Variants in MALRD1 observed in about 807,000 individuals in gnomAD.
MALRD1 encodes the protein MAM and LDL-receptor class A domain-containing protein 1.
Under a neutral mutation model 242.1 loss-of-function variants are expected in MALRD1, and 247 were observed. The ratio of observed to expected loss-of-function variants is 1.02; its 90% CI spans 0.92 to 1.13. The LOEUF (loss-of-function observed/expected upper bound fraction) is 1.13. Ranked by LOEUF, MALRD1 falls within the 50% of genes most tolerant of loss-of-function variation. The pLI is 0.00. For missense variants in MALRD1, 2,989 were observed against 2,533.1 expected (o/e 1.18, Z -3.86); for synonymous variants, 995 against 866.6 (o/e 1.15, Z -2.60).
At chr10:19,204,779 G>A in intron 16 of MALRD1, 119 bp from the exon 17 acceptor site, 1 of 1,102,188 alleles carries the variant, frequency 9.1e-7, no homozygotes, top group Admixed American at 2.9e-5. Flanking sequence ...TTGCGGGAAA[G>A]AAAAGCGTCT....
At chr10:19,510,274 G>T (rs974861826) in intron 31 of MALRD1, among the ~76,000 whole-genome samples, 8 of 152,176 alleles carry the variant, frequency 5.3e-5, no homozygotes, top group African/African-American at 9.7e-5. Context: ...GCAGGAGACA[G>T]ATGCCTTCCT....
At chr10:19,722,619 A>AAAAAAAAAAAAAAAAAAAAAAGG (rs57292963) in intron 38 of MALRD1, 1 of 144,554 alleles carries the variant, frequency 6.9e-6, no homozygotes, top group Non-Finnish European at 1.5e-5. Flanking sequence ...AAAAAAAAAA[A>AAAAAAAAAAAAAAAAAAAAAAGG]GGTGGAAAAA....
At chr10:19,505,449 G>A (rs1260140116) in intron 31 of MALRD1, among the ~76,000 whole-genome samples, 1 of 152,156 alleles carries the variant, frequency 6.6e-6, no homozygotes, top group African/African-American at 2.4e-5. Context: ...GAAAGGCCAC[G>A]TAAGGACACA....
chr10:19,668,028 G>A (rs2131750211), intron 36 of MALRD1, among the ~76,000 whole-genome samples: 1 of 152,062 alleles, frequency 6.6e-6, no homozygotes, highest in African/African-American at 2.4e-5. Flanking sequence ...CTTTTACAAG[G>A]GCATTAATCC....
chr10:19,324,212 A>T (rs1196456741), intron 22 of MALRD1, 107 bp downstream of exon 22: 1 of 1,098,908 alleles, frequency 9.1e-7, no homozygotes, highest in Non-Finnish European at 1.3e-6. Context: ...ATGGACAATT[A>T]CCAACACTTC....
chr10:19,157,763 A>G (rs543176907), intron 12 of MALRD1, among the ~76,000 whole-genome samples: 1 of 152,112 alleles, frequency 6.6e-6, no homozygotes, highest in East Asian at 1.9e-4. Flanking sequence ...TTCTGAAATT[A>G]TATGGTTTTT....
intron 17 of MALRD1, 101 bp from the exon 18 acceptor site, chr10:19,209,167 C>G: frequency 9.0e-7 from 1 of 1,111,222 alleles, no homozygotes; most frequent in Non-Finnish European, 1.2e-6. Context: ...TTGGCATGAG[C>G]AAAGTATCAA....
intron 36 of MALRD1, among the ~76,000 whole-genome samples, chr10:19,626,420 A>T (rs899996271): frequency 1.3e-5 from 2 of 151,962 alleles, no homozygotes; most frequent in African/African-American, 4.8e-5. Context: ...GAAAAAGAAG[A>T]AACAAATATT....
intron 1 of MALRD1, among the ~76,000 whole-genome samples, chr10:19,056,955 T>G (rs2131214262): frequency 6.6e-6 from 1 of 152,340 alleles, no homozygotes. Flanking sequence ...CTTCATTCTG[T>G]TAATGTGGTG....
At chr10:19,175,536 GA>G (rs1835195961) in intron 14 of MALRD1, among the ~76,000 whole-genome samples, 1 of 148,712 alleles carries the variant, frequency 6.7e-6, no homozygotes. Context: ...CAGTAATATG[GA>G]AAATATTCTA....
At chr10:19,420,883 A>G (rs1286487815) in intron 28 of MALRD1, among the ~76,000 whole-genome samples, 1 of 152,188 alleles carries the variant, frequency 6.6e-6, no homozygotes, top group Non-Finnish European at 1.5e-5. Flanking sequence ...CACCACTGGA[A>G]TCAGAAGGGT....
At chr10:19,052,987 T>C (rs1209876441) in intron 1 of MALRD1, among the ~76,000 whole-genome samples, 1 of 152,096 alleles carries the variant, frequency 6.6e-6, no homozygotes, top group African/African-American at 2.4e-5. Context: ...TCAGGCAAGG[T>C]TGGAAAGAAT....
rs865960885 is a variant in MALRD1, at chr10:19,719,239, T to C, written c.6315-11467T>C. Among the ~76,000 whole-genome samples, 160 of 117,288 alleles carry C rather than the reference T, an allele frequency of 1.4e-3. 2 individuals are homozygous for C. The highest frequency in any genetic ancestry group is 5.8e-3 in the African/African-American group (151 of 26,112). 76.9% of individuals were successfully genotyped at this position (117,288 alleles called of 152,430 possible). On this transcript the variant is annotated intron_variant, in intron 38 of 39. Coordinates refer to ENST00000454679, the MANE Select transcript of MALRD1 (RefSeq NM_001142308.3). ...ACATACATACATATATATATATATA[T>C]ATATATATATATATATATATGCTAT... is the stretch of plus-strand genomic sequence containing the variant.
chr10:19,316,387 C>T (rs571662962), intron 21 of MALRD1, among the ~76,000 whole-genome samples: 6 of 151,958 alleles, frequency 3.9e-5, no homozygotes, highest in East Asian at 3.9e-4. Flanking sequence ...GTGGAGAGGG[C>T]ATGTGTGGAG....
chr10:19,066,714 A>G lies in MALRD1; in HGVS notation c.200-5A>G, dbSNP rs1834990786. 2 of 1,233,446 alleles carry G rather than the reference A, an allele frequency of 1.6e-6. No individual in the cohort carries two copies. Among genetic ancestry groups the G allele is most frequent in the Admixed American group, 8.4e-5 (2 of 23,692 alleles). 76.4% of individuals were successfully genotyped at this position (1,233,446 alleles called of 1,614,324 possible). On this transcript the variant is annotated splice_polypyrimidine_tract_variant and splice_region_variant and intron_variant, in intron 1 of 39. Coordinates refer to ENST00000454679, the MANE Select transcript of MALRD1 (RefSeq NM_001142308.3). ...TGAAAACCAACTTTTCTTCTTTCTC[A>G]TTAGGTTTGAATTATGAAAGATGTG... is the stretch of plus-strand genomic sequence containing the variant.
chr10:19,072,116 T>A (rs946549696), intron 2 of MALRD1, among the ~76,000 whole-genome samples: 1 of 152,150 alleles, frequency 6.6e-6, no homozygotes, highest in African/African-American at 2.4e-5. Flanking sequence ...ATTTCAAAGC[T>A]CACAACGTGA....
chr10:19,371,887 T>C (rs1475359381), intron 26 of MALRD1, among the ~76,000 whole-genome samples: 2 of 152,126 alleles, frequency 1.3e-5, no homozygotes, highest in Non-Finnish European at 2.9e-5. Context: ...TGGAGCTCAG[T>C]AAATACTTCT....
At chr10:19,642,271 A>G (rs1840422450) in intron 36 of MALRD1, among the ~76,000 whole-genome samples, 1 of 151,726 alleles carries the variant, frequency 6.6e-6, no homozygotes, top group Non-Finnish European at 1.5e-5. Flanking sequence ...GGTATATTGA[A>G]CTCTGTGATC....
intron 28 of MALRD1, among the ~76,000 whole-genome samples, chr10:19,446,592 G>T (rs556385214): frequency 3.3e-5 from 5 of 152,128 alleles, no homozygotes; most frequent in African/African-American, 1.2e-4. Context: ...TCTTTGCACA[G>T]CCCATAAAGG....
Sources: gnomAD v4.1 joint callset for allele counts (sites outside exome capture counted in the v4.1 genomes callset) on GRCh38, gnomAD v4.1.1 for gene constraint, MANE v1.5 for transcripts, NCBI Gene and HGNC (gene_info 2026-07-23, HGNC 2026-07-21) for gene names.